Variants in RWDD3 observed in about 807,000 individuals in gnomAD.
The protein encoded by RWDD3 is RWD domain containing 3, also known as RWD domain-containing protein 3.
Under a neutral mutation model 26.5 loss-of-function variants are expected in RWDD3, and 30 were observed. The ratio of observed to expected loss-of-function variants is 1.13; its 90% confidence interval spans 0.85 to 1.54. RWDD3 has a LOEUF of 1.54. Ranked by LOEUF, RWDD3 falls within the 40% of genes most tolerant of loss-of-function variation. The probability of loss-of-function intolerance (pLI) is 0.00; values close to 1 mark genes in which losing one functional copy is unlikely to be tolerated. For synonymous variants in RWDD3, 113 were observed against 114.5 expected (o/e 0.99, Z 0.09); for missense variants, 296 against 309.1 (o/e 0.96, Z 0.32).
In RWDD3 at chr1:95,246,821, C is replaced by A; in HGVS notation, c.755C>A (p.Ala252Glu). 6.4e-7 allele frequency: 1 copy of A among 1,563,140 alleles called. No homozygotes were observed. Among genetic ancestry groups the A allele is most frequent in the Non-Finnish European group, 8.6e-7 (1 of 1,159,068 alleles). Residue 252 changes from alanine (A) to glutamate (E), a missense_variant, in exon 4 of 4, where the codon GCA becomes GAA. Ala to Glu is a moderately radical substitution (Grantham distance 107). Coordinates refer to ENST00000370202, the MANE Select transcript of RWDD3 (RefSeq NM_015485.5). ...GAATTACAAAAGGAATTTGAAACTGCAGGACTTAAGAAGCTTTTCTCCGAA... is the reference window on the plus strand; with the variant it reads ...GAATTACAAAAGGAATTTGAAACTGAAGGACTTAAGAAGCTTTTCTCCGAA... ...LDELQKEFETAGLKKLFSEFV... is the reference protein window; with the variant it reads ...LDELQKEFETEGLKKLFSEFV...
intron 1 of RWDD3, among the ~76,000 whole-genome samples, chr1:95,238,689 G>A (rs1385599453): frequency 4.0e-5 from 6 of 151,168 alleles, no homozygotes; most frequent in Admixed American, 4.0e-4. Flanking sequence ...TGGGCTCTTA[G>A]TGAATCCTGA....
At chr1:95,239,787 T>C (rs1680528521) in intron 1 of RWDD3, 93 of 1,284,462 alleles carry the variant, frequency 7.2e-5, no homozygotes, top group Non-Finnish European at 9.0e-5. Flanking sequence ...GACCAGAAAA[T>C]AACACAGAGA....
In RWDD3 at chr1:95,244,401, G is replaced by T. The variant is rs1680758380; in HGVS notation, c.276G>T (p.Glu92Asp). 1.2e-6 allele frequency: 2 copies of T among 1,614,064 alleles called. No individual in the cohort carries two copies. Reference sequence around the variant, plus strand: ...AAGAGAATTTACTTGAGCAAGCAGAGAGCCTTTTGTCGGAGCCTATGGTTC... The same window carrying T: ...AAGAGAATTTACTTGAGCAAGCAGATAGCCTTTTGTCGGAGCCTATGGTTC... Reference protein sequence around the residue: ...TVKENLLEQAESLLSEPMVHE... With the variant: ...TVKENLLEQADSLLSEPMVHE... The change falls in exon 2 of 4, where the codon GAG becomes GAT. Residue 92 changes from glutamate (E) to aspartate (D), a missense_variant. Coordinates refer to ENST00000370202, the MANE Select transcript of RWDD3 (RefSeq NM_015485.5).
In RWDD3 at chr1:95,244,467, C is replaced by T. The variant is rs749496222; in HGVS notation, c.342C>T (p.Ile114=). The change falls in exon 2 of 4, where the codon ATC becomes ATT. Residue 114 remains isoleucine (I), a synonymous_variant. Coordinates refer to ENST00000370202, the MANE Select transcript of RWDD3 (RefSeq NM_015485.5). The part of the protein sequence containing the change: ...VLWIQQNLRH[I]LSQPETGSGS... ...GGATTCAGCAGAATCTCAGGCATATCCTCAGCCAACCAGAAACTGGCAGTG... is the reference window on the plus strand; with the variant it reads ...GGATTCAGCAGAATCTCAGGCATATTCTCAGCCAACCAGAAACTGGCAGTG... 3.7e-6 allele frequency: 6 copies of T among 1,614,176 alleles called. No individual in the cohort carries two copies. The highest frequency in any genetic ancestry group is 4.5e-5 in the East Asian group (2 of 44,878).
At chr1:95,234,642 C>A (rs1177547546) in intron 1 of RWDD3, among the ~76,000 whole-genome samples, 1 of 149,614 alleles carries the variant, frequency 6.7e-6, no homozygotes, top group Non-Finnish European at 1.5e-5. Flanking sequence ...TATAAAGAAG[C>A]CTGTGCTGAC....
intron 1 of RWDD3, among the ~76,000 whole-genome samples, chr1:95,239,115 A>G (rs553208544): frequency 6.6e-6 from 1 of 152,300 alleles, no homozygotes; most frequent in East Asian, 1.9e-4. Context: ...TTTCTGGGGC[A>G]AGCCTTAAGT....
intron 2 of RWDD3, chr1:95,246,095 G>C (rs187559975): frequency 6.5e-6 from 1 of 152,996 alleles, no homozygotes. Flanking sequence ...TCATTTAGCT[G>C]CTGAACTTGT....
In RWDD3 at chr1:95,244,353, C is replaced by T; in HGVS notation, c.228C>T (p.Thr76=). ...PGISINSEQL[T]RAQCVTVKEN... ...TCTCGATTAACTCTGAACAGTTGAC[C>T]AGGGCCCAGTGTGTGACTGTGAAAG... The change falls in exon 2 of 4, where the codon ACC becomes ACT. Residue 76 remains threonine, a synonymous_variant. Coordinates refer to ENST00000370202, the MANE Select transcript of RWDD3 (RefSeq NM_015485.5). 6.2e-7 allele frequency: 1 copy of T among 1,614,096 alleles called. No homozygotes were observed. The highest frequency in any genetic ancestry group is 8.5e-7 in the Non-Finnish European group (1 of 1,180,020).
intron 1 of RWDD3, among the ~76,000 whole-genome samples, chr1:95,237,153 T>C (rs1680394644): frequency 6.6e-6 from 1 of 151,466 alleles, no homozygotes; most frequent in South Asian, 2.1e-4. Context: ...GGGGGTAAGG[T>C]AAAGGCCTTT....
chr1:95,240,596 A>T (rs1680574005), intron 1 of RWDD3, among the ~76,000 whole-genome samples: 1 of 152,160 alleles, frequency 6.6e-6, no homozygotes, highest in Non-Finnish European at 1.5e-5. Flanking sequence ...TAAAATGGGT[A>T]GTTGAAGCAA....
Position 95,244,407 on chromosome 1 carries a change from T to C in RWDD3, c.282T>C (p.Leu94=). The C allele has an allele frequency of 3.1e-6, 5 of 1,614,174 alleles. No homozygotes were observed. Among genetic ancestry groups the C allele is most frequent in the Non-Finnish European group, 4.2e-6 (5 of 1,180,042 alleles). Reference sequence around the variant, plus strand: ...ATTTACTTGAGCAAGCAGAGAGCCTTTTGTCGGAGCCTATGGTTCATGAGC... The same window carrying C: ...ATTTACTTGAGCAAGCAGAGAGCCTCTTGTCGGAGCCTATGGTTCATGAGC... ...KENLLEQAES[L]LSEPMVHELV... The change falls in exon 2 of 4, where the codon CTT becomes CTC. Residue 94 remains leucine (L), a synonymous_variant. Transcript: ENST00000370202.
intron 1 of RWDD3, among the ~76,000 whole-genome samples, chr1:95,235,157 C>T (rs1471630799): frequency 2.0e-5 from 3 of 151,526 alleles, no homozygotes; most frequent in African/African-American, 7.3e-5. Flanking sequence ...CGCCATTCTC[C>T]TGCCTCAGCC....
At chr1:95,235,293 C>A (rs1379477011) in intron 1 of RWDD3, among the ~76,000 whole-genome samples, 2 of 149,710 alleles carry the variant, frequency 1.3e-5, no homozygotes, top group African/African-American at 4.9e-5. Flanking sequence ...ACCTCGTGGT[C>A]CGCCCGCCTC....
chr1:95,237,643 G>A (rs1043779712), intron 1 of RWDD3, among the ~76,000 whole-genome samples: 2 of 152,170 alleles, frequency 1.3e-5, no homozygotes, highest in Non-Finnish European at 2.9e-5. Flanking sequence ...CATCTACAAG[G>A]GAGGGCTGTG....
chr1:95,236,812 A>G (rs190941998), intron 1 of RWDD3, among the ~76,000 whole-genome samples: 4 of 152,214 alleles, frequency 2.6e-5, no homozygotes, highest in Non-Finnish European at 5.9e-5. Flanking sequence ...GCAATTTCCC[A>G]TCACACCTTA....
chr1:95,242,709 A>G (rs1358112260), intron 1 of RWDD3, among the ~76,000 whole-genome samples: 4 of 152,326 alleles, frequency 2.6e-5, no homozygotes, highest in Non-Finnish European at 4.4e-5. Context: ...ACCCGAGGTC[A>G]GGAGTTTGAG....
chr1:95,235,351 CTTTTTTTTTTT>C (rs1166711835), intron 1 of RWDD3, among the ~76,000 whole-genome samples: 9 of 41,368 alleles, frequency 2.2e-4, no homozygotes, highest in South Asian at 1.9e-3. Flanking sequence ...TGCGCCCGGC[CTTTTTTTTTTT>C]TTTTTTTTTT....
At chr1:95,244,083 C>T (rs1680744056) in intron 1 of RWDD3, 128 bp from the exon 2 acceptor site, 3 of 1,403,350 alleles carry the variant, frequency 2.1e-6, no homozygotes, top group African/African-American at 1.4e-5. Context: ...TTACGTGTCC[C>T]TTCATAAAAT....
chr1:95,244,469 T>C lies in RWDD3; in HGVS notation c.344T>C (p.Leu115Pro), dbSNP rs774441834. 6.8e-6 allele frequency: 11 copies of C among 1,614,220 alleles called. No individual in the cohort carries two copies. Among genetic ancestry groups the C allele is most frequent in the Non-Finnish European group, 2.5e-6 (3 of 1,180,030 alleles). Reference sequence around the variant, plus strand: ...ATTCAGCAGAATCTCAGGCATATCCTCAGCCAACCAGAAACTGGCAGTGGC... The same window carrying C: ...ATTCAGCAGAATCTCAGGCATATCCCCAGCCAACCAGAAACTGGCAGTGGC... ...LWIQQNLRHI[L>P]SQPETGSGSE... is the part of the protein sequence containing the mutation. Residue 115 changes from leucine to proline, a missense_variant, in exon 2 of 4, where the codon CTC becomes CCC. Coordinates refer to ENST00000370202, the MANE Select transcript of RWDD3 (RefSeq NM_015485.5).
Sources: allele counts gnomAD v4.1 joint callset (sites outside exome capture counted in the v4.1 genomes callset), GRCh38; gene constraint gnomAD v4.1.1; transcripts MANE v1.5; gene names NCBI Gene and HGNC (gene_info 2026-07-23, HGNC 2026-07-21).